HYOU1: variants seen among roughly 807,000 people sequenced by gnomAD.
HYOU1 encodes the protein hypoxia up-regulated protein 1.
HYOU1 carries 40 observed loss-of-function variants against 120.5 expected under a neutral mutation model. The observed-to-expected ratio is 0.33, with a 90% confidence interval of 0.26 to 0.43. HYOU1 has a LOEUF of 0.43. Ranked by LOEUF, HYOU1 falls within the 20% of genes least tolerant of loss-of-function variation. The pLI is 1.00. For missense variants in HYOU1, 1,085 were observed against 1,278.3 expected, an observed-to-expected ratio of 0.85 and a Z score of 2.31; for synonymous variants, 501 against 479.4, an observed-to-expected ratio of 1.05 and a Z score of -0.59.
At position 119,051,166 on chromosome 11, in the gene HYOU1, C is replaced by G; in HGVS notation, c.1534G>C (p.Gly512Arg). Residue 512 changes from glycine to arginine, a missense_variant, in exon 14 of 26, where the codon GGC (glycine) becomes CGC (arginine). By Grantham distance (125) the Gly-to-Arg change is moderately radical (BLOSUM62 -2). Coordinates refer to ENST00000617285, the MANE Select transcript of HYOU1 (RefSeq NM_006389.5). The surrounding 1 kb of genome is among the most constrained non-coding windows in gnomAD (Gnocchi z 4.2). ...TTCACTGTGGTCAGATTCTGGGAGC[C>G]AAATACCCTGGTTGGGAAGGAAAGA... Reference protein sequence around the residue: ...FLGPEDLRVFGSQNLTTVKLK... With the variant: ...FLGPEDLRVFRSQNLTTVKLK... 6.2e-7 allele frequency: 1 copy of G among 1,614,184 alleles called. No individual in the cohort carries two copies. The highest frequency in any genetic ancestry group is 8.5e-7 in the Non-Finnish European group (1 of 1,180,028).
Position 119,046,389 on chromosome 11 carries a change from G to C in HYOU1, c.2887+28C>G, listed in dbSNP as rs2133549499. The C allele has an allele frequency of 3.7e-6, 6 of 1,611,480 alleles. No homozygotes were observed. The African/African-American group carries it at 5.4e-5, about 14-fold the overall frequency. On this transcript the variant is annotated intron_variant, in intron 24 of 25. Transcript: ENST00000617285. ...ACCCCTGGGCTAATGCAACATCCAC[G>C]TGCTCAACCATGGTTGCTCCAACTC...
intron 8 of HYOU1, chr11:119,053,593 G>A (rs2133600220): frequency 6.6e-6 from 1 of 152,578 alleles, no homozygotes; most frequent in African/African-American, 2.4e-5. Context: ...GCAATATGAA[G>A]AAAGAACTGA....
rs1943946487 is a variant in HYOU1 at position 119,044,224 on chromosome 11, T to C, written c.*1369A>G. 1 of 149,116 alleles carries C rather than the reference T, an allele frequency of 6.7e-6. No individual in the cohort carries two copies. The highest frequency in any genetic ancestry group is 2.1e-4 in the South Asian group (1 of 4,774). The allele number at this position is 149,116 out of a possible 1,614,324, so 9.2% of individuals were successfully genotyped here. A position where few individuals can be genotyped will look rare whatever the true frequency, so the allele number is the denominator to read the frequency against. Reference sequence around the variant, plus strand: ...ATATTTTATTGAAACAGTTTCTCAATTAACAATGGAGCAAAGTACAATTTG... The same window carrying C: ...ATATTTTATTGAAACAGTTTCTCAACTAACAATGGAGCAAAGTACAATTTG... On this transcript the variant is annotated 3_prime_UTR_variant, in exon 26 of 26. Coordinates refer to ENST00000617285, the MANE Select transcript of HYOU1 (RefSeq NM_006389.5).
Position 119,048,056 on chromosome 11 carries a change from G to A in HYOU1, c.2401C>T (p.Leu801=). 2 of 1,614,226 alleles carry A rather than the reference G, an allele frequency of 1.2e-6. No homozygotes were observed. Among genetic ancestry groups the A allele is most frequent in the Non-Finnish European group, 1.7e-6 (2 of 1,180,048 alleles). ...TVMLKEKLAE[L]RKLCQGLFFR... ...AACAGCCCTTGGCACAGCTTCCTCA[G>A]CTCAGCCAGCTTCTCCTTCAACATC... The change falls in exon 21 of 26, where the codon CTG becomes TTG. Residue 801 remains leucine (L), a synonymous_variant. Transcript: ENST00000617285. The surrounding 1 kb of genome is among the most constrained non-coding windows in gnomAD (Gnocchi z 4.7).
At chr11:119,049,370 T>A in intron 16 of HYOU1, 167 bp from the exon 17 acceptor site, 1 of 1,556,936 alleles carries the variant, frequency 6.4e-7, no homozygotes, top group Non-Finnish European at 8.6e-7. Flanking sequence ...AGGAAGAGCA[T>A]CTGCAATGAG....
At chr11:119,054,806 G>A in intron 6 of HYOU1, 131 bp from the exon 7 acceptor site, 1 of 1,117,344 alleles carries the variant, frequency 8.9e-7, no homozygotes, top group Non-Finnish European at 1.3e-6. Flanking sequence ...GTAGGATGTT[G>A]AGCAGCATCC....
chr11:119,049,677 C>T (rs1290120616), intron 15 of HYOU1, 42 bp from the exon 16 acceptor site: 4 of 1,608,100 alleles, frequency 2.5e-6, no homozygotes, highest in Non-Finnish European at 3.4e-6. Flanking sequence ...GAGACCACAG[C>T]AGTGACTCCA....
chr11:119,047,738 G>T lies in HYOU1; in HGVS notation c.2591C>A (p.Thr864Asn). 6.2e-7 allele frequency: 1 copy of T among 1,612,000 alleles called. No homozygotes were observed. The highest frequency in any genetic ancestry group is 8.5e-7 in the Non-Finnish European group (1 of 1,178,050). The part of the protein sequence containing the change: ...MTTLEKVINE[T>N]WAWKNATLAE... ...AAGTATTTACGAAGTGATTACCCAG[G>T]TCTCATTGATGACTTTCTCTAACGT... Residue 864 changes from threonine (T) to asparagine (N), a missense_variant, in exon 22 of 26, where the codon ACC becomes AAC. Thr to Asn is a moderately conservative substitution (Grantham distance 65). This residue lies in a region of HYOU1 where 516 missense variants were observed against 517.1 expected (regional missense o/e 1.00). Transcript: ENST00000617285.
Position 119,054,479 on chromosome 11 carries a change from G to T in HYOU1, c.678+15C>A. 6.2e-7 allele frequency: 1 copy of T among 1,613,184 alleles called. No individual in the cohort carries two copies. Among genetic ancestry groups the T allele is most frequent in the Non-Finnish European group, 8.5e-7 (1 of 1,179,242 alleles). ...CAGTCACCCTGCATGTCTGGTCAAG[G>T]CTCCCCTGGCTCACCTGGGCAGTGG... On this transcript the variant is annotated intron_variant, in intron 7 of 25. Coordinates refer to ENST00000617285, the MANE Select transcript of HYOU1 (RefSeq NM_006389.5).
chr11:119,050,388 G>A (rs962072170), intron 14 of HYOU1, among the ~76,000 whole-genome samples: 1 of 152,016 alleles, frequency 6.6e-6, no homozygotes, highest in Non-Finnish European at 1.5e-5. Flanking sequence ...CTGGACAACA[G>A]AGCAAGACTC....
intron 7 of HYOU1, 54 bp from the exon 8 acceptor site, chr11:119,054,290 C>A (rs2133604059): frequency 5.2e-5 from 74 of 1,427,434 alleles, no homozygotes; most frequent in Middle Eastern, 3.5e-4. Context: ...TCCAGGGGGC[C>A]TGCCTGCCCA....
Position 119,048,798 on chromosome 11 carries a change from C to T in HYOU1, c.2081G>A (p.Arg694Gln), listed in dbSNP as rs1299179112. Residue 694 changes from arginine (R) to glutamine (Q), a missense_variant, in exon 18 of 26, where the codon CGA (arginine) becomes CAA (glutamine). Coordinates refer to ENST00000617285, the MANE Select transcript of HYOU1 (RefSeq NM_006389.5). This position sits in a 1 kb window ranked among gnomAD's most constrained non-coding sequence, Gnocchi z 4.7. ...EKKQKPARKR[R>Q]MVEEIGVELV... ...CTCCACCCCGATCTCCTCTACCATTCGCCGCTTCCTGGCGGGCTTCTGCTT... is the reference window on the plus strand; with the variant it reads ...CTCCACCCCGATCTCCTCTACCATTTGCCGCTTCCTGGCGGGCTTCTGCTT... 19 of 1,614,022 alleles carry T rather than the reference C, an allele frequency of 1.2e-5. No homozygotes were observed. Among genetic ancestry groups the T allele is most frequent in the Admixed American group, 1.0e-4 (6 of 59,990 alleles).
At position 119,045,538 on chromosome 11, in the gene HYOU1, A is replaced by G; in HGVS notation, c.*55T>C. On this transcript the variant is annotated 3_prime_UTR_variant, in exon 26 of 26. Coordinates refer to ENST00000617285, the MANE Select transcript of HYOU1 (RefSeq NM_006389.5). ...CTCCCCCAACCCTCGATGTTAAATAAATAGAAGTGGTGGGGGAAGGGGGTG... is the reference window on the plus strand; with the variant it reads ...CTCCCCCAACCCTCGATGTTAAATAGATAGAAGTGGTGGGGGAAGGGGGTG... 1 of 1,454,712 alleles carries G rather than the reference A, an allele frequency of 6.9e-7. No homozygotes were observed. 90.1% of individuals were successfully genotyped at this position (1,454,712 alleles called of 1,614,324 possible).
At chr11:119,050,527 G>GA (rs2133579138) in intron 14 of HYOU1, among the ~76,000 whole-genome samples, 151,896 of 151,896 alleles carry the variant, frequency 1, 75,948 homozygotes, top group Non-Finnish European at 1. Context: ...GACCAGTCTG[G>GA]CAACATAGTG....
chr11:119,056,471 T>A (rs552282793), intron 1 of HYOU1: 1 of 476,052 alleles, frequency 2.1e-6, no homozygotes, highest in East Asian at 5.7e-5. Context: ...ACACAGGCAG[T>A]GAGTGGCGCA....
In HYOU1 at chr11:119,053,978, G is replaced by A. The variant is rs2133601985; in HGVS notation, c.794+143C>T. On this transcript the variant is annotated intron_variant, in intron 8 of 25. Coordinates refer to ENST00000617285, the MANE Select transcript of HYOU1 (RefSeq NM_006389.5). The stretch of plus-strand genomic sequence containing the variant: ...CTCAGCTTCCCCTTACTCTTTGTGA[G>A]TGGTCCCCTACAATGACTGATGCCT... 1.8e-5 allele frequency: 11 copies of A among 601,860 alleles called. No individual in the cohort carries two copies. The African/African-American group carries it at 1.9e-4, about 10-fold the overall frequency. The allele number at this position is 601,860 out of a possible 1,614,324, so 37.3% of individuals were successfully genotyped here. A position where few individuals can be genotyped will look rare whatever the true frequency, so the allele number is the denominator to read the frequency against.
chr11:119,044,986 G>A lies in HYOU1; in HGVS notation c.*607C>T, dbSNP rs1809596822. ...AGAGGTACAGGCTTTTAGGCAAGGGGCAGAGAACTGCCCAATTTGCTGCAG... is the reference window on the plus strand; with the variant it reads ...AGAGGTACAGGCTTTTAGGCAAGGGACAGAGAACTGCCCAATTTGCTGCAG... On this transcript the variant is annotated 3_prime_UTR_variant, in exon 26 of 26. Coordinates refer to ENST00000617285, the MANE Select transcript of HYOU1 (RefSeq NM_006389.5). 2.4e-6 allele frequency: 1 copy of A among 409,788 alleles called. No individual in the cohort carries two copies. The highest frequency in any genetic ancestry group is 2.0e-5 in the African/African-American group (1 of 48,832). The allele number at this position is 409,788 out of a possible 1,614,324, so 25.4% of individuals were successfully genotyped here. A position where few individuals can be genotyped will look rare whatever the true frequency, so the allele number is the denominator to read the frequency against.
rs1193523876 is a variant in HYOU1 at position 119,045,352 on chromosome 11, G to A, written c.*241C>T. On this transcript the variant is annotated 3_prime_UTR_variant, in exon 26 of 26. Transcript: ENST00000617285. ...TTTTTCCCAAATTTAGGGCCTATAT[G>A]GGTAGGGAACAGGGAGTGGGGCTGG... The A allele has an allele frequency of 1.5e-6, 1 of 666,166 alleles. No individual in the cohort carries two copies. Among genetic ancestry groups the A allele is most frequent in the Non-Finnish European group, 2.8e-6 (1 of 363,504 alleles). The allele number at this position is 666,166 out of a possible 1,614,324, so 41.3% of individuals were successfully genotyped here.
At position 119,054,217 on chromosome 11, in the gene HYOU1, A is replaced by G. The variant is rs2133603523; in HGVS notation, c.698T>C (p.Met233Thr). ...TTAQNIMFYD[M>T]GSGSTVCTIV... ...GGTGCATACGGTGCTGCCTGAGCCC[A>G]TGTCATAGAACATGATATTCTGTAG... is the stretch of plus-strand genomic sequence containing the variant. The change falls in exon 8 of 26, where the codon ATG (methionine) becomes ACG (threonine). Residue 233 changes from methionine to threonine, a missense_variant. Around this residue, in one of 4 missense-constraint regions of HYOU1, gnomAD observed 515 missense variants for 677.8 expected, o/e 0.76. Transcript: ENST00000617285. 1.9e-6 allele frequency: 3 copies of G among 1,613,512 alleles called. No individual in the cohort carries two copies. The Admixed American group carries it at 5.0e-5, about 27-fold the overall frequency.
Sources: allele counts gnomAD v4.1 joint callset (sites outside exome capture counted in the v4.1 genomes callset), GRCh38; gene constraint gnomAD v4.1.1; regional missense constraint gnomAD v4.1.1; non-coding constraint Gnocchi (gnomAD v3.1); transcripts MANE v1.5; gene names NCBI Gene and HGNC (gene_info 2026-07-23, HGNC 2026-07-21).